NPC1: variants seen among roughly 807,000 people sequenced by gnomAD.
The protein encoded by NPC1 is NPC intracellular cholesterol transporter 1.
A neutral mutation model predicts 140.4 loss-of-function variants in NPC1; 85 were observed. The ratio of observed to expected loss-of-function variants is 0.61; its 90% confidence interval spans 0.51 to 0.72. The LOEUF is 0.72. Ranked by LOEUF, NPC1 falls within the 30% of genes least tolerant of loss-of-function variation. NPC1 has a pLI of 0.00. For synonymous variants in NPC1, 656 were observed against 624.8 expected, an observed-to-expected ratio of 1.05 and a Z score of -0.74; for missense variants, 1,504 against 1,623.8, an observed-to-expected ratio of 0.93 and a Z score of 1.27.
At chr18:23,536,161 G>A (rs549953379) in intron 21 of NPC1, among the ~76,000 whole-genome samples, 108 of 152,252 alleles carry the variant, frequency 7.1e-4, no homozygotes, top group Admixed American at 1.0e-3. Flanking sequence ...TGCTTTAAGC[G>A]AGATCATGGG....
downstream of NPC1, among the ~76,000 whole-genome samples, chr18:23,520,860 C>T (rs1162459891): frequency 4.6e-5 from 7 of 152,094 alleles, no homozygotes; most frequent in Non-Finnish European, 2.9e-5. Flanking sequence ...GGATTACAGG[C>T]GTGCACCACC....
chr18:23,532,786 T>C, intron 24 of NPC1: 1 of 725,996 alleles, frequency 1.4e-6, no homozygotes, highest in Non-Finnish European at 1.7e-6. Flanking sequence ...AAGCCCCTCA[T>C]TTTCTTAATC....
intron 3 of NPC1, among the ~76,000 whole-genome samples, chr18:23,571,410 TAATA>T (rs2059201273): frequency 1.3e-5 from 2 of 151,858 alleles, no homozygotes; most frequent in South Asian, 4.2e-4. Context: ...TCCCAGCCTG[TAATA>T]ACCAGGCTGA....
At chr18:23,507,143 A>C in intron 3 of NPC1, 1 of 886,054 alleles carries the variant, frequency 1.1e-6, no homozygotes, top group Non-Finnish European at 1.8e-6. Context: ...GTTAAAGGAA[A>C]CTTTTATTAT....
At chr18:23,529,888 T>C, downstream of NPC1, 1 of 1,056,482 alleles carries the variant, frequency 9.5e-7, no homozygotes, top group Non-Finnish European at 1.4e-6. Flanking sequence ...AGTTGGGGTC[T>C]TTACCTGCAT....
In NPC1 at chr18:23,576,261, A is replaced by G. The variant is rs947933032; in HGVS notation, c.58-2687T>C. Among the ~76,000 whole-genome samples the G allele has an allele frequency of 5.9e-5, 9 of 152,100 alleles. No individual in the cohort carries two copies. The East Asian group carries it at 1.2e-3, about 20-fold the overall frequency. On this transcript the variant is annotated intron_variant, in intron 1 of 24. Coordinates refer to ENST00000269228, the MANE Select transcript of NPC1 (RefSeq NM_000271.5). ...AAAAACAAAACAAACAAAAACAACA[A>G]CAGCCAAAAATTAGCCGAGCCTAGT...
rs768214909 is a variant in NPC1, at chr18:23,560,525, T to A, written c.632-45A>T. 6 of 1,606,946 alleles carry A rather than the reference T, an allele frequency of 3.7e-6. No individual in the cohort carries two copies. The South Asian group carries it at 5.5e-5, about 15-fold the overall frequency. ...TGAGTACAAATCTCAATTAAAAACATCCAAAATTTTGTATTATACTTAAAC... is the reference window on the plus strand; with the variant it reads ...TGAGTACAAATCTCAATTAAAAACAACCAAAATTTTGTATTATACTTAAAC... On this transcript the variant is annotated intron_variant, in intron 5 of 24. Coordinates refer to ENST00000269228, the MANE Select transcript of NPC1 (RefSeq NM_000271.5).
chr18:23,522,083 T>A (rs1478376832), downstream of NPC1, among the ~76,000 whole-genome samples: 3 of 152,242 alleles, frequency 2.0e-5, no homozygotes, highest in Admixed American at 2.0e-4. Context: ...AATCGCACTC[T>A]GGCTGAAAGT....
At chr18:23,522,463 CATT>C (rs1402566955) in exon 2 of NPC1, 3 of 151,994 alleles carry the variant, frequency 2.0e-5, no homozygotes, top group East Asian at 1.9e-4. Flanking sequence ...TTTCTTAAAA[CATT>C]ATGAGATTTT....
rs138839541 is a variant in NPC1 at position 23,555,792 on chromosome 18, T to C, written c.1326+451A>G. On this transcript the variant is annotated intron_variant, in intron 8 of 24. Coordinates refer to ENST00000269228, the MANE Select transcript of NPC1 (RefSeq NM_000271.5). The stretch of plus-strand genomic sequence containing the variant: ...TGAGTGATAAGTTCATTCCTACAGG[T>C]TGGATCAGGGATGGTAATCTGGCAG... Among the ~76,000 whole-genome samples, 682 of 152,214 alleles carry C rather than the reference T, an allele frequency of 4.5e-3. 5 individuals carry two copies. Among genetic ancestry groups the C allele is most frequent in the African/African-American group, 0.016 (649 of 41,542 alleles).
chr18:23,532,426 A>G, intron 24 of NPC1, 142 bp from the exon 25 acceptor site: 1 of 875,364 alleles, frequency 1.1e-6, no homozygotes, highest in Non-Finnish European at 1.9e-6. Flanking sequence ...ACAGAGTGAG[A>G]CCACATCTCT....
Position 23,544,943 on chromosome 18 carries a change from A to ATCCCCCCCCCCC in NPC1, c.1947+16_1947+17insGGGGGGGGGGGA. 1.3e-6 allele frequency: 1 copy of ATCCCCCCCCCCC among 783,212 alleles called. No homozygotes were observed. The highest frequency in any genetic ancestry group is 1.8e-6 in the Non-Finnish European group (1 of 540,984). 48.5% of individuals were successfully genotyped at this position (783,212 alleles called of 1,614,324 possible). ...GCTGTTAACCTCTAGAACATACACC[A>ATCCCCCCCCCCC]CCCCCCCCCGGCTTACCAGAAGCCT... On this transcript the variant is annotated intron_variant, in intron 12 of 24. Coordinates refer to ENST00000269228, the MANE Select transcript of NPC1 (RefSeq NM_000271.5).
intron 4 of NPC1, among the ~76,000 whole-genome samples, chr18:23,567,661 TTTATA>T: frequency 6.6e-6 from 1 of 152,360 alleles, no homozygotes; most frequent in East Asian, 1.9e-4. Flanking sequence ...GGTCTCCAGG[TTTATA>T]TGCATTTAGA....
intron 10 of NPC1, among the ~76,000 whole-genome samples, chr18:23,550,962 G>C (rs949657777): frequency 7.9e-5 from 12 of 152,180 alleles, no homozygotes; most frequent in African/African-American, 2.7e-4. Context: ...AATACAGATT[G>C]CAACTTCTCC....
At chr18:23,575,236 C>G (rs1039566214) in intron 1 of NPC1, among the ~76,000 whole-genome samples, 2 of 152,214 alleles carry the variant, frequency 1.3e-5, no homozygotes, top group African/African-American at 4.8e-5. Context: ...GCACTTGGTA[C>G]TATAGATGTG....
chr18:23,543,187 G>A (rs1452599683), intron 14 of NPC1, among the ~76,000 whole-genome samples: 1 of 151,974 alleles, frequency 6.6e-6, no homozygotes, highest in Non-Finnish European at 1.5e-5. Flanking sequence ...AAATTAACTG[G>A]GCATGGTGGT....
rs1229588871 is a variant in NPC1, at chr18:23,539,857, CATT to C, written c.2746_2748del (p.Asn916del). On this transcript the variant is annotated inframe_deletion, in exon 18 of 25. Coordinates refer to ENST00000269228, the MANE Select transcript of NPC1 (RefSeq NM_000271.5). ...TTAAATATCTGCTGCACCAGGGAAT[CATT>C]GTTGCAGCCCATGCCGCCGCACACC... is the stretch of plus-strand genomic sequence containing the variant. 6 of 1,614,094 alleles carry C rather than the reference CATT, an allele frequency of 3.7e-6. No homozygotes were observed. The highest frequency in any genetic ancestry group is 4.2e-6 in the Non-Finnish European group (5 of 1,180,048).
At chr18:23,520,548 C>T (rs996613318), downstream of NPC1, among the ~76,000 whole-genome samples, 1 of 152,234 alleles carries the variant, frequency 6.6e-6, no homozygotes, top group Non-Finnish European at 1.5e-5. Flanking sequence ...CAGTCTCCAC[C>T]TCCTGGGTTC....
At chr18:23,556,182 G>A (rs768153261) in intron 8 of NPC1, 61 bp downstream of exon 8, 15 of 1,470,530 alleles carry the variant, frequency 1.0e-5, no homozygotes, top group Non-Finnish European at 1.4e-5. Context: ...TAGTCAACAT[G>A]TAAAAGCCAG....
Sources: allele counts gnomAD v4.1 joint callset (sites outside exome capture counted in the v4.1 genomes callset), GRCh38; gene constraint gnomAD v4.1.1; transcripts MANE v1.5; gene names NCBI Gene and HGNC (gene_info 2026-07-23, HGNC 2026-07-21).